Variants in NLK observed in about 807,000 individuals in gnomAD.
The protein encoded by NLK is serine/threonine-protein kinase NLK.
In NLK, 11 loss-of-function variants were observed where a neutral mutation model predicts 59.0. The ratio of observed to expected loss-of-function variants is 0.19; its 90% CI spans 0.12 to 0.31. The LOEUF (loss-of-function observed/expected upper bound fraction) is 0.31, where lower values mean the gene tolerates loss of function less well. Among genes scored for constraint, NLK ranks in the 10% least tolerant of loss-of-function variants. The probability of loss-of-function intolerance (pLI) is 1.00; values close to 1 mark genes in which losing one functional copy is unlikely to be tolerated. For synonymous variants in NLK, 235 were observed against 235.9 expected, an observed-to-expected ratio of 1.00 and a Z score of 0.03; for missense variants, 410 against 661.1, an observed-to-expected ratio of 0.62 and a Z score of 4.16.
At chr17:28,189,974 TAA>T (rs1909251069) in intron 8 of NLK, among the ~76,000 whole-genome samples, 1 of 152,216 alleles carries the variant, frequency 6.6e-6, no homozygotes, top group Non-Finnish European at 1.5e-5. Context: ...AAATCAGTGA[TAA>T]AAGTGTTTTT....
At chr17:28,095,895 T>C (rs927744659) in intron 1 of NLK, among the ~76,000 whole-genome samples, 1 of 152,196 alleles carries the variant, frequency 6.6e-6, no homozygotes. Flanking sequence ...CCCAAGTGTG[T>C]TCCTGTCCTT....
chr17:28,074,489 T>G (rs1910108053), intron 1 of NLK, among the ~76,000 whole-genome samples: 1 of 152,226 alleles, frequency 6.6e-6, no homozygotes, highest in Non-Finnish European at 1.5e-5. Context: ...TGACCTTGAT[T>G]ACTTTGTGTG....
chr17:28,191,725 T>C (rs1909314058), intron 9 of NLK, among the ~76,000 whole-genome samples: 1 of 151,886 alleles, frequency 6.6e-6, no homozygotes. Flanking sequence ...AGAGAGAGAG[T>C]AGTCCCCAAA....
At chr17:28,044,955 A>G (rs747739772) in intron 1 of NLK, among the ~76,000 whole-genome samples, 1 of 152,154 alleles carries the variant, frequency 6.6e-6, no homozygotes, top group Non-Finnish European at 1.5e-5. Flanking sequence ...TTTCACTTAC[A>G]TTTCTATCAA....
At chr17:28,091,583 C>G (rs1904496966) in intron 1 of NLK, among the ~76,000 whole-genome samples, 1 of 151,808 alleles carries the variant, frequency 6.6e-6, no homozygotes, top group Non-Finnish European at 1.5e-5. Context: ...TAAAATAACC[C>G]CCTTCCACAT....
chr17:28,185,974 A>G (rs1040026776), intron 8 of NLK, among the ~76,000 whole-genome samples: 1 of 152,192 alleles, frequency 6.6e-6, no homozygotes, highest in Non-Finnish European at 1.5e-5. Flanking sequence ...GGAACATACT[A>G]CAAATTATAC....
rs1191972437 is a variant in NLK, at chr17:28,196,378, A to G, written c.*1742A>G. ...TGAAAACATTAAATGTGACATTTGAAAAAGATGTGTCATCTGTTTTATTTC... is the reference window on the plus strand; with the variant it reads ...TGAAAACATTAAATGTGACATTTGAGAAAGATGTGTCATCTGTTTTATTTC... On this transcript the variant is annotated 3_prime_UTR_variant, in exon 11 of 11. Transcript: ENST00000407008. 1 of 152,656 alleles carries G rather than the reference A, an allele frequency of 6.6e-6. No homozygotes were observed. Among genetic ancestry groups the G allele is most frequent in the East Asian group, 1.9e-4 (1 of 5,200 alleles). The allele number at this position is 152,656 out of a possible 1,614,324, so 9.5% of individuals were successfully genotyped here.
intron 1 of NLK, among the ~76,000 whole-genome samples, chr17:28,099,090 G>T (rs998516034): frequency 6.6e-6 from 1 of 152,002 alleles, no homozygotes; most frequent in South Asian, 2.1e-4. Flanking sequence ...TAAGGGTTTC[G>T]ATAATACAAC....
intron 1 of NLK, among the ~76,000 whole-genome samples, chr17:28,078,674 A>G (rs555118887): frequency 1.3e-5 from 2 of 152,302 alleles, no homozygotes; most frequent in Admixed American, 6.5e-5. Context: ...AAGATGATAC[A>G]TGTAGTGTGC....
chr17:28,188,613 G>C (rs567059829), intron 8 of NLK, among the ~76,000 whole-genome samples: 2 of 152,118 alleles, frequency 1.3e-5, no homozygotes, highest in Non-Finnish European at 2.9e-5. Flanking sequence ...GAATAGCTGG[G>C]ATTACAGATG....
At chr17:28,118,645 A>T (rs950525286) in intron 1 of NLK, among the ~76,000 whole-genome samples, 1 of 152,210 alleles carries the variant, frequency 6.6e-6, no homozygotes, top group Non-Finnish European at 1.5e-5. Flanking sequence ...AGAAAACTCA[A>T]CAAAATGACC....
At chr17:28,172,127 T>G (rs1475689260) in intron 6 of NLK, among the ~76,000 whole-genome samples, 1 of 151,370 alleles carries the variant, frequency 6.6e-6, no homozygotes, top group Non-Finnish European at 1.5e-5. Context: ...AGGAATTTAT[T>G]TAAATTCCTT....
chr17:28,065,878 T>G (rs1318908459), intron 1 of NLK, among the ~76,000 whole-genome samples: 1 of 152,212 alleles, frequency 6.6e-6, no homozygotes, highest in Non-Finnish European at 1.5e-5. Context: ...ATTTCTCCAC[T>G]GCTCACACAG....
At chr17:28,085,532 G>C (rs1031029750) in intron 1 of NLK, among the ~76,000 whole-genome samples, 2 of 152,154 alleles carry the variant, frequency 1.3e-5, no homozygotes, top group African/African-American at 2.4e-5. Context: ...TTGAGGCCAA[G>C]AGTTCAAGAC....
chr17:28,190,330 C>T (rs536584446), intron 8 of NLK, among the ~76,000 whole-genome samples: 1 of 152,124 alleles, frequency 6.6e-6, no homozygotes, highest in Non-Finnish European at 1.5e-5. Context: ...TCTAAAGTGA[C>T]AGAAAATGAC....
chr17:28,061,878 A>ACAT (rs1289607085), intron 1 of NLK: 3 of 145,338 alleles, frequency 2.1e-5, no homozygotes, highest in South Asian at 4.2e-4. Flanking sequence ...ACATATATAT[A>ACAT]ATATATACAT....
At chr17:28,164,220 A>G (rs1023681467) in intron 5 of NLK, among the ~76,000 whole-genome samples, 1 of 152,002 alleles carries the variant, frequency 6.6e-6, no homozygotes, top group African/African-American at 2.4e-5. Flanking sequence ...AAATTCAAAA[A>G]TTAGCTAGGT....
chr17:28,110,867 C>T (rs976341870), intron 1 of NLK, among the ~76,000 whole-genome samples: 4 of 151,286 alleles, frequency 2.6e-5, no homozygotes, highest in Admixed American at 6.6e-5. Context: ...TTTTTTGAGA[C>T]GGAGTCTCGC....
intron 1 of NLK, among the ~76,000 whole-genome samples, chr17:28,103,046 A>C (rs545756907): frequency 6.6e-6 from 1 of 152,316 alleles, no homozygotes; most frequent in South Asian, 2.1e-4. Context: ...TTTGGTAGTA[A>C]TTATCCCTTC....
Sources: gnomAD v4.1 joint callset for allele counts (sites outside exome capture counted in the v4.1 genomes callset) on GRCh38, gnomAD v4.1.1 for gene constraint, MANE v1.5 for transcripts, NCBI Gene and HGNC (gene_info 2026-07-23, HGNC 2026-07-21) for gene names.